Variants in DPP10 observed in about 807,000 individuals in gnomAD.
DPP10 encodes dipeptidyl peptidase like 10.
A neutral mutation model predicts 120.9 loss-of-function variants in DPP10; 33 were observed. The observed-to-expected ratio is 0.27, with a 90% CI of 0.21 to 0.37. The LOEUF is 0.37. Ranked by LOEUF, DPP10 falls within the 10% of genes least tolerant of loss-of-function variation. The probability of loss-of-function intolerance (pLI) is 1.00; values close to 1 mark genes in which losing one functional copy is unlikely to be tolerated. For synonymous variants in DPP10, 337 were observed against 326.1 expected (o/e 1.03, Z -0.36); for missense variants, 816 against 942.8 (o/e 0.87, Z 1.76).
intron 3 of DPP10, among the ~76,000 whole-genome samples, chr2:115,485,973 A>G (rs188482852): frequency 2.0e-4 from 30 of 152,256 alleles, no homozygotes; most frequent in African/African-American, 7.0e-4. Context: ...TGCCTAATCT[A>G]TAATTTTAAG....
intron 1 of DPP10, among the ~76,000 whole-genome samples, chr2:114,897,784 A>C (rs1693156083): frequency 6.6e-6 from 1 of 152,236 alleles, no homozygotes; most frequent in Non-Finnish European, 1.5e-5. Context: ...AATGCAAATC[A>C]AAACCACAAT....
At chr2:115,459,252 G>A (rs946692923) in intron 3 of DPP10, among the ~76,000 whole-genome samples, 1 of 151,664 alleles carries the variant, frequency 6.6e-6, no homozygotes, top group African/African-American at 2.4e-5. Flanking sequence ...CACCTCCCTT[G>A]TTCAAGTGAT....
intron 1 of DPP10, among the ~76,000 whole-genome samples, chr2:115,083,662 A>C (rs1708461609): frequency 6.7e-6 from 1 of 150,232 alleles, no homozygotes; most frequent in South Asian, 2.1e-4. Flanking sequence ...GCTGTCAAAA[A>C]AGTTATTAAA....
rs536782750 is a variant in DPP10 at position 115,681,255 on chromosome 2, GT to G, written c.442-8426del. On this transcript the variant is annotated intron_variant, in intron 5 of 25. Transcript: ENST00000410059. ...AATATGTAATAAAAATAATTTTAGA[GT>G]TTTTTATGGTATATGGAAAATATGA... Among the ~76,000 whole-genome samples the G allele has an allele frequency of 1.4e-4, 21 of 151,874 alleles. 1 individual carries two copies. In the East Asian group the frequency reaches 3.5e-3, roughly 25 times the overall value.
At chr2:115,067,377 G>C (rs1488619743) in intron 1 of DPP10, among the ~76,000 whole-genome samples, 1 of 151,230 alleles carries the variant, frequency 6.6e-6, no homozygotes, top group Non-Finnish European at 1.5e-5. Context: ...TCAGCCTCCC[G>C]AGTAGCTGGG....
intron 19 of DPP10, among the ~76,000 whole-genome samples, chr2:115,807,488 G>T (rs115763767): frequency 0.018 from 2,764 of 152,184 alleles, 85 homozygotes; most frequent in African/African-American, 0.061. Flanking sequence ...ACGCGTAACT[G>T]CAGTTAAACA....
At chr2:114,910,471 T>A (rs943007615) in intron 1 of DPP10, among the ~76,000 whole-genome samples, 19 of 152,136 alleles carry the variant, frequency 1.2e-4, no homozygotes, top group Middle Eastern at 3.4e-3. Flanking sequence ...AATAACAAAT[T>A]CGACACAGCT....
chr2:114,614,837 A>C (rs1693559316), intron 1 of DPP10, among the ~76,000 whole-genome samples: 3 of 152,214 alleles, frequency 2.0e-5, no homozygotes. Flanking sequence ...TAATGATAGC[A>C]AAAGCCTTTT....
intron 1 of DPP10, among the ~76,000 whole-genome samples, chr2:114,453,959 G>A (rs776556059): frequency 2.0e-5 from 3 of 152,112 alleles, no homozygotes; most frequent in Non-Finnish European, 4.4e-5. Flanking sequence ...CTTACAGTCC[G>A]ACATCTTTTC....
At chr2:114,661,638 C>CT (rs1251935822) in intron 1 of DPP10, among the ~76,000 whole-genome samples, 1 of 152,106 alleles carries the variant, frequency 6.6e-6, no homozygotes, top group Non-Finnish European at 1.5e-5. Flanking sequence ...GGATCTCTGT[C>CT]TTTTTTGTTG....
chr2:115,276,085 T>C (rs2059910138), intron 1 of DPP10, among the ~76,000 whole-genome samples: 1 of 152,344 alleles, frequency 6.6e-6, no homozygotes, highest in African/African-American at 2.4e-5. Flanking sequence ...ACCCTTTCTT[T>C]TTCCGGATGG....
At chr2:115,222,124 G>A (rs373812798) in intron 1 of DPP10, among the ~76,000 whole-genome samples, 5 of 152,130 alleles carry the variant, frequency 3.3e-5, no homozygotes, top group African/African-American at 4.8e-5. Context: ...ATTATGAAGC[G>A]TGGTACCACT....
rs184414025 is a variant in DPP10, at chr2:114,704,550, G to T, written c.60+261712G>T. ...GTTATCTCAAAAGAGGATGTTGACA[G>T]ATTTCAACCATTTGCAGGGTCATTA... On this transcript the variant is annotated intron_variant, in intron 1 of 25. Coordinates refer to ENST00000410059, the MANE Select transcript of DPP10 (RefSeq NM_020868.6). Among the ~76,000 whole-genome samples the T allele has an allele frequency of 3.3e-5, 5 of 152,324 alleles. No homozygotes were observed. The East Asian group carries it at 5.8e-4, about 18-fold the overall frequency.
intron 1 of DPP10, among the ~76,000 whole-genome samples, chr2:115,083,711 A>G (rs1219463588): frequency 6.6e-6 from 1 of 152,246 alleles, no homozygotes; most frequent in Non-Finnish European, 1.5e-5. Flanking sequence ...GAATTTGGCA[A>G]ATAATAAACA....
chr2:115,013,812 C>T (rs1702437483), intron 1 of DPP10, among the ~76,000 whole-genome samples: 1 of 151,954 alleles, frequency 6.6e-6, no homozygotes, highest in Non-Finnish European at 1.5e-5. Flanking sequence ...AATATATATA[C>T]ACCCCATACT....
At chr2:115,385,040 G>C (rs1468595875) in intron 3 of DPP10, among the ~76,000 whole-genome samples, 1 of 152,128 alleles carries the variant, frequency 6.6e-6, no homozygotes, top group Non-Finnish European at 1.5e-5. Context: ...TGTAAGAAGT[G>C]CCTTTCACCT....
At chr2:115,737,149 G>A (rs1676633059) in intron 8 of DPP10, among the ~76,000 whole-genome samples, 1 of 152,110 alleles carries the variant, frequency 6.6e-6, no homozygotes, top group African/African-American at 2.4e-5. Flanking sequence ...CATAAACCAG[G>A]CCCGCGTTTA....
At chr2:115,238,123 A>G (rs948249530) in intron 1 of DPP10, among the ~76,000 whole-genome samples, 1 of 152,174 alleles carries the variant, frequency 6.6e-6, no homozygotes, top group Admixed American at 6.5e-5. Context: ...GCTTCAAAGG[A>G]CAGGCTGACT....
chr2:115,840,947 C>A, intron 25 of DPP10, 124 bp downstream of exon 25: 1 of 742,504 alleles, frequency 1.3e-6, no homozygotes, highest in Non-Finnish European at 2.0e-6. Flanking sequence ...TTTTAGTTAC[C>A]AAAGATTGTG....
Sources: allele counts gnomAD v4.1 joint callset (sites outside exome capture counted in the v4.1 genomes callset), GRCh38; gene constraint gnomAD v4.1.1; transcripts MANE v1.5; gene names NCBI Gene and HGNC (gene_info 2026-07-23, HGNC 2026-07-21).